CCDC148: variants seen among roughly 807,000 people sequenced by gnomAD.
The protein encoded by CCDC148 is coiled-coil domain containing 148.
In CCDC148, 89 loss-of-function variants were observed where a neutral mutation model predicts 85.7. The observed-to-expected ratio is 1.04, with a 90% confidence interval of 0.87 to 1.24. The LOEUF (loss-of-function observed/expected upper bound fraction) is 1.24, where lower values mean the gene tolerates loss of function less well. Ranked by LOEUF, CCDC148 falls within the 50% of genes most tolerant of loss-of-function variation. The probability of loss-of-function intolerance (pLI) is 0.00; values close to 1 mark genes in which losing one functional copy is unlikely to be tolerated. For synonymous variants in CCDC148, 230 were observed against 213.9 expected (o/e 1.08, Z -0.66); for missense variants, 692 against 671.7 (o/e 1.03, Z -0.33).
At chr2:158,236,429 T>C (rs79424665) in intron 10 of CCDC148, among the ~76,000 whole-genome samples, 3,381 of 152,314 alleles carry the variant, frequency 0.022, 51 homozygotes, top group East Asian at 0.07. Context: ...ATAATGATCA[T>C]GTCATATGTT....
At chr2:158,413,313 CAG>C (rs1168196256) in intron 1 of CCDC148, among the ~76,000 whole-genome samples, 5 of 151,990 alleles carry the variant, frequency 3.3e-5, no homozygotes, top group Non-Finnish European at 7.4e-5. Flanking sequence ...CAAATCACCC[CAG>C]AGAGATTATT....
intron 11 of CCDC148, among the ~76,000 whole-genome samples, chr2:158,194,820 T>C (rs1685587830): frequency 6.6e-6 from 1 of 152,018 alleles, no homozygotes; most frequent in South Asian, 2.1e-4. Flanking sequence ...ATTTTTTATT[T>C]TGAATGGTCC....
intron 1 of CCDC148, among the ~76,000 whole-genome samples, chr2:158,375,249 T>C (rs1375966364): frequency 6.6e-6 from 1 of 152,080 alleles, no homozygotes; most frequent in Non-Finnish European, 1.5e-5. Flanking sequence ...ACAAACCCTG[T>C]GAAGGCCAGC....
Position 158,379,528 on chromosome 2 carries a change from A to C in CCDC148, c.26-20958T>G, listed in dbSNP as rs141968974. 1.3e-4 allele frequency among the ~76,000 whole-genome samples: 20 copies of C among 152,290 alleles called. No homozygotes were observed. The East Asian group carries it at 2.3e-3, about 18-fold the overall frequency. On this transcript the variant is annotated intron_variant, in intron 1 of 13. Transcript: ENST00000283233. ...GAAGTTCTATGGTGCGTAAAATGCT[A>C]TCAAAAGCATCACATGCTTCACAGA...
At chr2:158,265,550 CTTATAAT>C (rs1184463629) in intron 9 of CCDC148, among the ~76,000 whole-genome samples, 1 of 152,076 alleles carries the variant, frequency 6.6e-6, no homozygotes, top group Non-Finnish European at 1.5e-5. Flanking sequence ...ATGTTTCTAA[CTTATAAT>C]TTATAAGTAT....
At chr2:158,315,741 T>C (rs1692249673) in intron 7 of CCDC148, among the ~76,000 whole-genome samples, 1 of 151,782 alleles carries the variant, frequency 6.6e-6, no homozygotes, top group South Asian at 2.1e-4. Flanking sequence ...GGAGAATTGC[T>C]ATGGACCAAC....
intron 1 of CCDC148, among the ~76,000 whole-genome samples, chr2:158,451,724 C>A (rs1267688893): frequency 6.6e-6 from 1 of 151,894 alleles, no homozygotes; most frequent in Non-Finnish European, 1.5e-5. Flanking sequence ...AAAAAAAATT[C>A]TTTTGCCTAA....
At chr2:158,196,474 C>CTAAAA (rs1685676011) in intron 11 of CCDC148, among the ~76,000 whole-genome samples, 1 of 152,084 alleles carries the variant, frequency 6.6e-6, no homozygotes, top group Non-Finnish European at 1.5e-5. Flanking sequence ...ATGTCCAGTG[C>CTAAAA]ATTATTTGCT....
chr2:158,306,719 C>T (rs1304913634), intron 9 of CCDC148, among the ~76,000 whole-genome samples: 1 of 151,686 alleles, frequency 6.6e-6, no homozygotes, highest in African/African-American at 2.4e-5. Flanking sequence ...AGGAGATATA[C>T]CTAATGTAAA....
At chr2:158,315,614 C>T (rs1692241899) in intron 7 of CCDC148, among the ~76,000 whole-genome samples, 1 of 152,020 alleles carries the variant, frequency 6.6e-6, no homozygotes, top group African/African-American at 2.4e-5. Flanking sequence ...AATTGTGATT[C>T]ACCTCTATAA....
At chr2:158,288,435 G>C (rs1690734236) in intron 9 of CCDC148, among the ~76,000 whole-genome samples, 2 of 152,120 alleles carry the variant, frequency 1.3e-5, no homozygotes, top group South Asian at 4.1e-4. Flanking sequence ...CACCTCTTAA[G>C]TGTTTTGCTG....
intron 1 of CCDC148, among the ~76,000 whole-genome samples, chr2:158,401,296 A>G (rs942582587): frequency 6.6e-6 from 1 of 152,182 alleles, no homozygotes; most frequent in Admixed American, 6.5e-5. Flanking sequence ...ACTTGGAACC[A>G]ACCCAAATGT....
At chr2:158,245,275 T>G (rs1254276541) in intron 10 of CCDC148, among the ~76,000 whole-genome samples, 2 of 152,076 alleles carry the variant, frequency 1.3e-5, no homozygotes, top group Non-Finnish European at 2.9e-5. Context: ...CCTGAGGGGG[T>G]GGGGGAACAC....
At chr2:158,263,610 T>C (rs2105154931) in intron 9 of CCDC148, among the ~76,000 whole-genome samples, 1 of 152,164 alleles carries the variant, frequency 6.6e-6, no homozygotes, top group Non-Finnish European at 1.5e-5. Flanking sequence ...GACATCTTTC[T>C]GCTGAGCCTT....
At chr2:158,249,779 C>A (rs1415855042) in intron 10 of CCDC148, among the ~76,000 whole-genome samples, 1 of 152,100 alleles carries the variant, frequency 6.6e-6, no homozygotes, top group African/African-American at 2.4e-5. Context: ...TAGGCATGAG[C>A]TTCTTTGACT....
chr2:158,276,468 A>C, intron 9 of CCDC148, among the ~76,000 whole-genome samples: 1 of 152,034 alleles, frequency 6.6e-6, no homozygotes, highest in Non-Finnish European at 1.5e-5. Flanking sequence ...AAACAAAAAA[A>C]CTGCCTCGTT....
chr2:158,272,723 G>A (rs963243679), intron 9 of CCDC148, among the ~76,000 whole-genome samples: 2 of 152,164 alleles, frequency 1.3e-5, no homozygotes, highest in African/African-American at 4.8e-5. Context: ...TCCACTCAAC[G>A]TTCAAGAAGA....
At chr2:158,215,529 TTTTTC>T (rs1183216643) in intron 11 of CCDC148, among the ~76,000 whole-genome samples, 1 of 151,894 alleles carries the variant, frequency 6.6e-6, no homozygotes, top group African/African-American at 2.4e-5. Context: ...AGGAGGCACC[TTTTTC>T]TTTTTTTTCT....
intron 1 of CCDC148, among the ~76,000 whole-genome samples, chr2:158,389,574 T>C (rs916272205): frequency 6.6e-6 from 1 of 152,194 alleles, no homozygotes; most frequent in African/African-American, 2.4e-5. Flanking sequence ...TAAAACTTCA[T>C]CTTTCTTCAT....
Sources: allele counts gnomAD v4.1 joint callset (sites outside exome capture counted in the v4.1 genomes callset), GRCh38; gene constraint gnomAD v4.1.1; transcripts MANE v1.5; gene names NCBI Gene and HGNC (gene_info 2026-07-23, HGNC 2026-07-21).